GNB4: variants seen among roughly 807,000 people sequenced by gnomAD.
GNB4 encodes guanine nucleotide-binding protein subunit beta-4.
Under a neutral mutation model 45.2 loss-of-function variants are expected in GNB4, and 28 were observed. That is an observed-to-expected ratio of 0.62 (90% CI 0.46 to 0.85). The LOEUF is 0.85. Among genes scored for constraint, GNB4 ranks in the 40% least tolerant of loss-of-function variants. The pLI is 0.00. For missense variants in GNB4, 321 were observed against 425.4 expected, an observed-to-expected ratio of 0.75 and a Z score of 2.16; for synonymous variants, 132 against 143.7, an observed-to-expected ratio of 0.92 and a Z score of 0.58.
chr3:179,403,910 G>GA (rs1714385924), intron 9 of GNB4, among the ~76,000 whole-genome samples: 1 of 152,054 alleles, frequency 6.6e-6, no homozygotes. Flanking sequence ...GGGAGATCTA[G>GA]AAAAAGGGAA....
In GNB4 at chr3:179,399,510, T is replaced by G. The variant is rs1032418390; in HGVS notation, c.*1703A>C. On this transcript the variant is annotated 3_prime_UTR_variant, in exon 10 of 10. Transcript: ENST00000232564. Reference sequence around the variant, plus strand: ...AAGCCACTCTGCCCAGCCAAAAAGTTAATAGAAATCTTAATCAAAATATAA... The same window carrying G: ...AAGCCACTCTGCCCAGCCAAAAAGTGAATAGAAATCTTAATCAAAATATAA... 5 of 152,172 alleles carry G rather than the reference T, an allele frequency of 3.3e-5. No homozygotes were observed. The highest frequency in any genetic ancestry group is 9.6e-5 in the African/African-American group (4 of 41,460). 9.4% of individuals were successfully genotyped at this position (152,172 alleles called of 1,614,324 possible).
At position 179,399,384 on chromosome 3, in the gene GNB4, G is replaced by C. The variant is rs1370377546; in HGVS notation, c.*1829C>G. On this transcript the variant is annotated 3_prime_UTR_variant, in exon 10 of 10. Coordinates refer to ENST00000232564, the MANE Select transcript of GNB4 (RefSeq NM_021629.4). ...CGCCCGGCTAATGTTTGTATTTTTA[G>C]AAGAGATGGGGTTTCACCATGTTGG... 4 of 152,140 alleles carry C rather than the reference G, an allele frequency of 2.6e-5. No homozygotes were observed. Among genetic ancestry groups the C allele is most frequent in the Admixed American group, 6.5e-5 (1 of 15,274 alleles). The allele number at this position is 152,140 out of a possible 1,614,324, so 9.4% of individuals were successfully genotyped here. A position where few individuals can be genotyped will look rare whatever the true frequency, so the allele number is the denominator to read the frequency against.
chr3:179,513,411 T>C, the GNB4 span, among the ~76,000 whole-genome samples: 1 of 152,206 alleles, frequency 6.6e-6, no homozygotes, highest in Admixed American at 6.5e-5. Flanking sequence ...CTCAACCTCC[T>C]GGGCTCAAGT....
intron 1 of GNB4, among the ~76,000 whole-genome samples, chr3:179,439,165 C>G (rs977412363): frequency 6.6e-6 from 1 of 152,162 alleles, no homozygotes; most frequent in African/African-American, 2.4e-5. Flanking sequence ...GTCTGAAGCT[C>G]TCTAGAGTTT....
chr3:179,523,009 A>G, the GNB4 span, among the ~76,000 whole-genome samples: 1 of 151,956 alleles, frequency 6.6e-6, no homozygotes, highest in Non-Finnish European at 1.5e-5. Context: ...GGAGTGGTGA[A>G]AGGATTTAGG....
At chr3:179,465,090 T>C in the GNB4 span, 2 of 1,446,908 alleles carry the variant, frequency 1.4e-6, no homozygotes, top group African/African-American at 1.4e-5. Flanking sequence ...CTTGCAGATA[T>C]TGTAATATCT....
At chr3:179,489,839 T>A in the GNB4 span, among the ~76,000 whole-genome samples, 1 of 152,318 alleles carries the variant, frequency 6.6e-6, no homozygotes, top group South Asian at 2.1e-4. Context: ...CTATGAAATG[T>A]AGCTAGGACT....
the GNB4 span, among the ~76,000 whole-genome samples, chr3:179,498,955 C>T: frequency 2.0e-5 from 3 of 151,940 alleles, no homozygotes; most frequent in African/African-American, 7.2e-5. Flanking sequence ...TGTGATGTTC[C>T]CCTCCCTGTT....
chr3:179,464,325 G>A, the GNB4 span: 1 of 669,750 alleles, frequency 1.5e-6, no homozygotes, highest in South Asian at 1.6e-5. Flanking sequence ...ACAGGTCCCG[G>A]CGCAGTCACC....
intron 8 of GNB4, among the ~76,000 whole-genome samples, chr3:179,411,226 C>T (rs1020341359): frequency 6.6e-5 from 10 of 152,016 alleles, no homozygotes; most frequent in Non-Finnish European, 1.5e-4. Context: ...GGGGCTCAGC[C>T]ACAAATGAAA....
chr3:179,443,778 G>C (rs1055224875), intron 1 of GNB4, among the ~76,000 whole-genome samples: 7 of 152,136 alleles, frequency 4.6e-5, no homozygotes, highest in Admixed American at 2.0e-4. Flanking sequence ...TACAATTACT[G>C]TCTCAGGTTT....
At chr3:179,425,588 A>G (rs1016347577) in intron 2 of GNB4, among the ~76,000 whole-genome samples, 2 of 152,180 alleles carry the variant, frequency 1.3e-5, no homozygotes, top group Non-Finnish European at 2.9e-5. Flanking sequence ...CTCCTGCCTC[A>G]GCCTCCCAAG....
the GNB4 span, among the ~76,000 whole-genome samples, chr3:179,477,279 C>A: frequency 6.6e-6 from 1 of 152,160 alleles, no homozygotes; most frequent in African/African-American, 2.4e-5. Context: ...AATTATAAAT[C>A]TCATCTTTTA....
At chr3:179,469,139 G>A in the GNB4 span, among the ~76,000 whole-genome samples, 9 of 152,158 alleles carry the variant, frequency 5.9e-5, no homozygotes, top group African/African-American at 1.2e-4. Context: ...AAACCAGTGC[G>A]CAGCTAACAC....
At chr3:179,458,342 C>T in the GNB4 span, among the ~76,000 whole-genome samples, 1 of 152,188 alleles carries the variant, frequency 6.6e-6, no homozygotes, top group Admixed American at 6.5e-5. Flanking sequence ...CCAGCTTCTG[C>T]TCTCATAGTG....
chr3:179,515,218 G>A, the GNB4 span, among the ~76,000 whole-genome samples: 1 of 152,242 alleles, frequency 6.6e-6, no homozygotes, highest in Non-Finnish European at 1.5e-5. Context: ...AGTATTCTAA[G>A]TGCTTTTTGT....
upstream of GNB4, among the ~76,000 whole-genome samples, chr3:179,455,355 A>G (rs1577044999): frequency 6.6e-6 from 1 of 152,284 alleles, no homozygotes; most frequent in East Asian, 1.9e-4. Flanking sequence ...AAAACACTAA[A>G]CTGCACATCA....
At chr3:179,527,792 G>GTA in the GNB4 span, among the ~76,000 whole-genome samples, 197 of 38,554 alleles carry the variant, frequency 5.1e-3, no homozygotes, top group African/African-American at 0.023. Flanking sequence ...GTGTATGTAT[G>GTA]TGTGTGTGTG....
At chr3:179,451,486 T>C (rs1715874383), upstream of GNB4, 1 of 150,420 alleles carries the variant, frequency 6.6e-6, no homozygotes, top group South Asian at 2.1e-4. Flanking sequence ...GTCCCGCACC[T>C]CCCAGCAGCC....
Sources: allele counts gnomAD v4.1 joint callset (sites outside exome capture counted in the v4.1 genomes callset), GRCh38; gene constraint gnomAD v4.1.1; transcripts MANE v1.5; gene names NCBI Gene and HGNC (gene_info 2026-07-23, HGNC 2026-07-21).